Variants in SYT8 observed in about 807,000 individuals in gnomAD.
SYT8 encodes synaptotagmin 8, also known as synaptotagmin-8.
SYT8 carries 50 observed loss-of-function variants against 34.9 expected under a neutral mutation model. The observed-to-expected ratio is 1.43, with a 90% CI of 1.14 to 1.81. The LOEUF is 1.81. SYT8 is among the 40% of genes most tolerant of loss of function. The probability of loss-of-function intolerance (pLI) is 0.00; values close to 1 mark genes in which losing one functional copy is unlikely to be tolerated. For synonymous variants in SYT8, 255 were observed against 234.2 expected (o/e 1.09, Z -0.81); for missense variants, 595 against 529.0 (o/e 1.12, Z -1.22).
intron 4 of SYT8, 66 bp downstream of exon 4, chr11:1,836,350 G>A (rs1338234198): frequency 1.3e-6 from 2 of 1,493,768 alleles, no homozygotes; most frequent in Non-Finnish European, 1.8e-6. Flanking sequence ...GGTGGGCCTG[G>A]GCAGCTGGGT....
Position 1,835,283 on chromosome 11 carries a change from G to A in SYT8, c.95-13G>A, listed in dbSNP as rs752449860. On this transcript the variant is annotated splice_polypyrimidine_tract_variant and intron_variant, in intron 1 of 7. Transcript: ENST00000341958. Reference sequence around the variant, plus strand: ...GCTGTCCACAGATGCACTCAGCCTGGCCTCTACCCCAGGGCCCCGCTGGGC... The same window carrying A: ...GCTGTCCACAGATGCACTCAGCCTGACCTCTACCCCAGGGCCCCGCTGGGC... 4 of 1,600,358 alleles carry A rather than the reference G, an allele frequency of 2.5e-6. No homozygotes were observed. Among genetic ancestry groups the A allele is most frequent in the Admixed American group, 1.7e-5 (1 of 59,434 alleles).
In SYT8 at chr11:1,837,090, G is replaced by A. The variant is rs751561185; in HGVS notation, c.924G>A (p.Gln308=). 1.9e-6 allele frequency: 3 copies of A among 1,613,478 alleles called. No individual in the cohort carries two copies. The highest frequency in any genetic ancestry group is 1.7e-6 in the Non-Finnish European group (2 of 1,179,834). The stretch of plus-strand genomic sequence containing the variant: ...TCCTGGTGCCCTTCAGCCAGGTCCA[G>A]GTGGGCCACCGGGAGGCAGGGGCAG... The part of the protein sequence containing the change: ...FTFLVPFSQV[Q]NVDLVLAVWD... The change falls in exon 7 of 8, where the codon CAG becomes CAA. Residue 308 remains glutamine, a splice_region_variant and synonymous_variant. Coordinates refer to ENST00000341958, the MANE Select transcript of SYT8 (RefSeq NM_001394072.1).
intron 2 of SYT8, 138 bp from the exon 3 acceptor site, chr11:1,835,748 G>A (rs771114660): frequency 3.7e-5 from 31 of 841,904 alleles, no homozygotes; most frequent in African/African-American, 8.6e-5. Context: ...GAGCGAAGCC[G>A]ACGATTTGTG....
chr11:1,834,396 C>T, upstream of SYT8: 1 of 660,904 alleles, frequency 1.5e-6, no homozygotes, highest in Non-Finnish European at 2.7e-6. This position sits in a 1 kb window ranked among gnomAD's most constrained non-coding sequence, Gnocchi z 4.5. Context: ...TGCACCCTGC[C>T]CCTACCTGCC....
At position 1,837,221 on chromosome 11, in the gene SYT8, C is replaced by T. The variant is rs1284423433; in HGVS notation, c.954C>T (p.Asp318=). The T allele has an allele frequency of 6.4e-7, 1 of 1,567,976 alleles. No individual in the cohort carries two copies. The highest frequency in any genetic ancestry group is 1.3e-5 in the African/African-American group (1 of 74,212). The change falls in exon 8 of 8, where the codon GAC becomes GAT. Residue 318 remains aspartate (D), a synonymous_variant. Transcript: ENST00000341958. ...TGGACCTGGTGCTGGCTGTCTGGGA[C>T]CGCAGCCTGCCGCTCCGAACTGAGC... ...QNVDLVLAVW[D]RSLPLRTEPV...
upstream of SYT8, among the ~76,000 whole-genome samples, chr11:1,832,525 G>A (rs888924042): frequency 1.3e-5 from 2 of 152,210 alleles, no homozygotes; most frequent in African/African-American, 4.8e-5. Context: ...CCAGATCTGG[G>A]AGGGGAGACC....
intron 2 of SYT8, 26 bp downstream of exon 2, chr11:1,835,485 A>G (rs1296169437): frequency 1.2e-6 from 2 of 1,606,548 alleles, no homozygotes; most frequent in Middle Eastern, 1.7e-4. Flanking sequence ...TTGCTCACTC[A>G]GTCCAGAGAG....
chr11:1,834,520 A>G, upstream of SYT8: 1 of 1,527,362 alleles, frequency 6.5e-7, no homozygotes, highest in African/African-American at 1.4e-5. The surrounding 1 kb of genome is among the most constrained non-coding windows in gnomAD (Gnocchi z 4.5). Flanking sequence ...TCCTCCCGCC[A>G]TGACCCTGCA....
rs1589791264 is a variant in SYT8, at chr11:1,836,694, G to A, written c.685-62G>A. The A allele has an allele frequency of 2.5e-6, 4 of 1,595,300 alleles. No homozygotes were observed. In the East Asian group the frequency reaches 9.0e-5, roughly 36 times the overall value. On this transcript the variant is annotated intron_variant, in intron 5 of 7. Coordinates refer to ENST00000341958, the MANE Select transcript of SYT8 (RefSeq NM_001394072.1). Reference sequence around the variant, plus strand: ...GGCCTGATGGGCAGCATTTTCGGGGGTCTGAGCCCCAACTCGGCCAGAATC... The same window carrying A: ...GGCCTGATGGGCAGCATTTTCGGGGATCTGAGCCCCAACTCGGCCAGAATC...
upstream of SYT8, among the ~76,000 whole-genome samples, chr11:1,833,341 G>A (rs498337): frequency 0.27 from 40,732 of 152,204 alleles, 5,857 homozygotes; most frequent in East Asian, 0.52. Context: ...GACAAGCTCC[G>A]TCATTTGTGA....
intron 3 of SYT8, 57 bp downstream of exon 3, chr11:1,836,041 G>C: frequency 1.0e-5 from 16 of 1,585,708 alleles, no homozygotes; most frequent in Non-Finnish European, 1.4e-5. Flanking sequence ...AAAGGGTGAC[G>C]GGGGAAGGGC....
rs1372058261 is a variant in SYT8, at chr11:1,835,236, A to G, written c.94+37A>G. 4 of 1,608,784 alleles carry G rather than the reference A, an allele frequency of 2.5e-6. No homozygotes were observed. The Admixed American group carries it at 5.0e-5, about 20-fold the overall frequency. On this transcript the variant is annotated intron_variant, in intron 1 of 7. Coordinates refer to ENST00000341958, the MANE Select transcript of SYT8 (RefSeq NM_001394072.1). ...GATTCCCAAGAGGGGTGTGGGGATAACCCAGCCAAGTGGGGGCTGCAGCTG... is the reference window on the plus strand; with the variant it reads ...GATTCCCAAGAGGGGTGTGGGGATAGCCCAGCCAAGTGGGGGCTGCAGCTG...
rs759164928 is a variant in SYT8, at chr11:1,836,897, G to A, written c.790+36G>A. 1.3e-5 allele frequency: 21 copies of A among 1,612,576 alleles called. No homozygotes were observed. The East Asian group carries it at 3.1e-4, about 24-fold the overall frequency. ...CACCTGCCCACGTTGTTGTACAGAGGGGGGGCCCGTGCTCAGCCCCGAGCC... is the reference window on the plus strand; with the variant it reads ...CACCTGCCCACGTTGTTGTACAGAGAGGGGGCCCGTGCTCAGCCCCGAGCC... On this transcript the variant is annotated intron_variant, in intron 6 of 7. Transcript: ENST00000341958.
At chr11:1,834,251 G>A (rs534845540), upstream of SYT8, 95 of 474,056 alleles carry the variant, frequency 2.0e-4, no homozygotes, top group Non-Finnish European at 3.0e-4. This position sits in a 1 kb window ranked among gnomAD's most constrained non-coding sequence, Gnocchi z 4.5. Flanking sequence ...CTAGGCAGGC[G>A]GGTACAGGGG....
In SYT8 at chr11:1,835,027, C is replaced by G; in HGVS notation, c.-79C>G. 1 of 1,446,510 alleles carries G rather than the reference C, an allele frequency of 6.9e-7. No individual in the cohort carries two copies. Among genetic ancestry groups the G allele is most frequent in the African/African-American group, 1.4e-5 (1 of 71,122 alleles). The allele number at this position is 1,446,510 out of a possible 1,614,324, so 89.6% of individuals were successfully genotyped here. A position where few individuals can be genotyped will look rare whatever the true frequency, so the allele number is the denominator to read the frequency against. On this transcript the variant is annotated 5_prime_UTR_variant, in exon 1 of 8. Transcript: ENST00000341958. ...GGCTGCTGCTAGTCAGATGGGGTAG[C>G]GGGCAGGGGCCGGAGGGGCCACCCT...
intron 7 of SYT8, 41 bp from the exon 8 acceptor site, chr11:1,837,151 C>T (rs1354638546): frequency 6.3e-7 from 1 of 1,595,958 alleles, no homozygotes; most frequent in African/African-American, 1.3e-5. Flanking sequence ...TGACTGTGGT[C>T]TTTCTCCCCC....
At position 1,836,238 on chromosome 11, in the gene SYT8, A is replaced by AG; in HGVS notation, c.470_471insG (p.His157GlnfsTer10). ...GGACACAGACATGAGACAAAAGTGC[A>AG]CCGAGGCACGCTCTGCCCCGTGTTT... On this transcript the variant is annotated frameshift_variant, in exon 4 of 8. Coordinates refer to ENST00000341958, the MANE Select transcript of SYT8 (RefSeq NM_001394072.1). LOFTEE classifies it high-confidence loss of function. The AG allele has an allele frequency of 6.3e-7, 1 of 1,591,154 alleles. No homozygotes were observed. The highest frequency in any genetic ancestry group is 8.5e-7 in the Non-Finnish European group (1 of 1,169,938).
intron 2 of SYT8, 51 bp downstream of exon 2, chr11:1,835,510 G>T: frequency 1.3e-6 from 2 of 1,597,898 alleles, no homozygotes; most frequent in Non-Finnish European, 1.7e-6. Context: ...TGAAATCCAG[G>T]CTCCAGAGCC....
Position 1,835,903 on chromosome 11 carries a change from T to A in SYT8, c.276T>A (p.Asp92Glu). ...CACTCCAGGTGCAACCTGATGTGGA[T>A]GGCCTGGAGTCCAGCCCGGGGGATG... ...TTTHLVQPDV[D>E]GLESSPGDAQ... Residue 92 changes from aspartate to glutamate, a missense_variant, in exon 3 of 8, where the codon GAT becomes GAA. By Grantham distance (45) the Asp-to-Glu change is conservative (BLOSUM62 2). Coordinates refer to ENST00000341958, the MANE Select transcript of SYT8 (RefSeq NM_001394072.1). 1 of 1,611,620 alleles carries A rather than the reference T, an allele frequency of 6.2e-7. No individual in the cohort carries two copies. Among genetic ancestry groups the A allele is most frequent in the South Asian group, 1.1e-5 (1 of 90,822 alleles).
Sources: gnomAD v4.1 joint callset for allele counts (sites outside exome capture counted in the v4.1 genomes callset) on GRCh38, gnomAD v4.1.1 for gene constraint, Gnocchi (gnomAD v3.1) non-coding constraint, MANE v1.5 for transcripts, NCBI Gene and HGNC (gene_info 2026-07-23, HGNC 2026-07-21) for gene names.